The following GALNT10 variants were observed in gnomAD, a reference collection of about 807,000 sequenced individuals.
The protein encoded by GALNT10 is GalNAc transferase 10.
GALNT10 carries 41 observed loss-of-function variants against 75.0 expected under a neutral mutation model. The observed-to-expected ratio is 0.55, with a 90% CI of 0.43 to 0.71. The LOEUF is 0.71. Among genes scored for constraint, GALNT10 ranks in the 30% least tolerant of loss-of-function variants. The probability of loss-of-function intolerance (pLI) is 0.00; values close to 1 mark genes in which losing one functional copy is unlikely to be tolerated. For synonymous variants in GALNT10, 302 were observed against 313.0 expected (o/e 0.96, Z 0.37); for missense variants, 727 against 818.5 (o/e 0.89, Z 1.36).
intron 7 of GALNT10, chr5:154,393,033 C>T (rs967316543): frequency 1.4e-4 from 11 of 75,902 alleles, no homozygotes; most frequent in African/African-American, 2.2e-4. Flanking sequence ...GAAAATATTA[C>T]GTAAAATAAA....
intron 1 of GALNT10, among the ~76,000 whole-genome samples, chr5:154,191,550 T>G (rs1774861218): frequency 6.6e-6 from 1 of 151,458 alleles, no homozygotes; most frequent in Admixed American, 6.6e-5. Flanking sequence ...CCTCTCCCCA[T>G]TTATTCAACA....
rs143763981 is a variant in GALNT10, at chr5:154,319,268, A to T, written c.402-10304A>T. On this transcript the variant is annotated intron_variant, in intron 3 of 11. Transcript: ENST00000297107. Reference sequence around the variant, plus strand: ...TGCCATGTTGTAAAAACAAATGCACATGTGCAGAGGAGAACACAGAGAGGA... The same window carrying T: ...TGCCATGTTGTAAAAACAAATGCACTTGTGCAGAGGAGAACACAGAGAGGA... Among the ~76,000 whole-genome samples, 292 of 152,340 alleles carry T rather than the reference A, an allele frequency of 1.9e-3. 1 individual carries two copies. Among genetic ancestry groups the T allele is most frequent in the African/African-American group, 6.6e-3 (274 of 41,586 alleles).
intron 1 of GALNT10, among the ~76,000 whole-genome samples, chr5:154,256,651 G>A (rs1057156173): frequency 1.3e-5 from 2 of 152,100 alleles, no homozygotes; most frequent in African/African-American, 4.8e-5. Flanking sequence ...GGCTTGTGAT[G>A]AAGATATAGT....
rs568218308 is a variant in GALNT10, at chr5:154,411,504, G to A, written c.1387-1385G>A. ...GACACTACGGCTGGCCACAGGGCGC[G>A]TGAGGAGCAGTAGCCCCATGGAAAG... On this transcript the variant is annotated intron_variant, in intron 9 of 11. Coordinates refer to ENST00000297107, the MANE Select transcript of GALNT10 (RefSeq NM_198321.4). 2.6e-5 allele frequency among the ~76,000 whole-genome samples: 4 copies of A among 152,360 alleles called. 1 individual carries two copies. Among genetic ancestry groups the A allele is most frequent in the Middle Eastern group, 6.8e-3 (2 of 294 alleles).
chr5:154,325,899 T>G (rs1040829991), intron 3 of GALNT10, among the ~76,000 whole-genome samples: 5 of 152,070 alleles, frequency 3.3e-5, no homozygotes, highest in Non-Finnish European at 1.5e-5. Context: ...ACATAAAAAG[T>G]CATCTATATT....
chr5:154,399,799 C>T (rs1279549642), intron 7 of GALNT10, among the ~76,000 whole-genome samples: 3 of 152,168 alleles, frequency 2.0e-5, no homozygotes, highest in Non-Finnish European at 2.9e-5. Flanking sequence ...CCAACACTGG[C>T]CCTGAGTCTG....
At chr5:154,320,745 G>A (rs1305488364) in intron 3 of GALNT10, among the ~76,000 whole-genome samples, 1 of 152,194 alleles carries the variant, frequency 6.6e-6, no homozygotes, top group Non-Finnish European at 1.5e-5. Flanking sequence ...GCTGTGTGGG[G>A]ACTGGATAAA....
At chr5:154,240,860 G>A (rs1753325212) in intron 1 of GALNT10, among the ~76,000 whole-genome samples, 1 of 152,178 alleles carries the variant, frequency 6.6e-6, no homozygotes. Flanking sequence ...CTTCCTGGCT[G>A]TGTGACCTGG....
chr5:154,284,447 T>C (rs1754084829), intron 1 of GALNT10, among the ~76,000 whole-genome samples: 1 of 145,518 alleles, frequency 6.9e-6, no homozygotes, highest in Non-Finnish European at 1.6e-5. Context: ...GCTAGGAGAT[T>C]AATAGGATGT....
intron 4 of GALNT10, among the ~76,000 whole-genome samples, chr5:154,340,078 A>T (rs575103518): frequency 6.6e-6 from 1 of 152,358 alleles, no homozygotes; most frequent in African/African-American, 2.4e-5. Context: ...ATTACCTTTC[A>T]TAGGAAAAGC....
intron 3 of GALNT10, 74 bp from the exon 4 acceptor site, chr5:154,329,498 A>C: frequency 1.7e-4 from 208 of 1,260,298 alleles, no homozygotes; most frequent in Non-Finnish European, 2.2e-4. Context: ...CAGTTAGCCA[A>C]ACCCTGTGCC....
chr5:154,225,327 C>T (rs1389502463), intron 1 of GALNT10, among the ~76,000 whole-genome samples: 5 of 149,294 alleles, frequency 3.3e-5, no homozygotes, highest in South Asian at 2.1e-4. Flanking sequence ...CTCCTGACCT[C>T]GTGATCCGCC....
At chr5:154,327,059 A>T (rs1754766136) in intron 3 of GALNT10, among the ~76,000 whole-genome samples, 1 of 152,080 alleles carries the variant, frequency 6.6e-6, no homozygotes, top group Non-Finnish European at 1.5e-5. Context: ...CTACAAAAAA[A>T]TTCAAAAATT....
At chr5:154,386,723 A>C in intron 7 of GALNT10, 1 of 552,898 alleles carries the variant, frequency 1.8e-6, no homozygotes, top group South Asian at 2.5e-5. Flanking sequence ...TCTTGCTTCT[A>C]CTCAGATGGC....
chr5:154,293,625 C>CTTTTTTTTTT (rs1320287927), intron 1 of GALNT10, among the ~76,000 whole-genome samples: 3 of 128,062 alleles, frequency 2.3e-5, no homozygotes, highest in Non-Finnish European at 3.4e-5. Context: ...TTTTTTTTTC[C>CTTTTTTTTTT]TTTCAGCCAT....
At position 154,386,347 on chromosome 5, in the gene GALNT10, G is replaced by A; in HGVS notation, c.973G>A (p.Asp325Asn). 1 of 1,614,104 alleles carries A rather than the reference G, an allele frequency of 6.2e-7. No homozygotes were observed. Among genetic ancestry groups the A allele is most frequent in the Non-Finnish European group, 8.5e-7 (1 of 1,180,002 alleles). ...PVMAGGLFAV[D>N]RKWFWELGGY... The stretch of plus-strand genomic sequence containing the variant: ...GATGGCCGGTGGACTGTTCGCCGTG[G>A]ATCGGAAGTGGTTCTGGGAACTCGG... The change falls in exon 7 of 12, where the codon GAT becomes AAT. Residue 325 changes from aspartate (D) to asparagine (N), a missense_variant. Transcript: ENST00000297107.
intron 4 of GALNT10, among the ~76,000 whole-genome samples, chr5:154,346,885 A>G (rs1186623630): frequency 6.6e-6 from 1 of 152,018 alleles, no homozygotes; most frequent in Non-Finnish European, 1.5e-5. Context: ...TCAGAGTTTT[A>G]TAGATTAATT....
chr5:154,341,207 A>T (rs773709758), intron 4 of GALNT10, among the ~76,000 whole-genome samples: 2 of 152,158 alleles, frequency 1.3e-5, no homozygotes, highest in East Asian at 1.9e-4. Flanking sequence ...GCCTTTGGGG[A>T]TCCTCAATGT....
At position 154,373,810 on chromosome 5, in the gene GALNT10, A is replaced by G. The variant is rs536518635; in HGVS notation, c.569-2467A>G. Among the ~76,000 whole-genome samples, 3 of 152,296 alleles carry G rather than the reference A, an allele frequency of 2.0e-5. No homozygotes were observed. In the South Asian group the frequency reaches 6.2e-4, roughly 32 times the overall value. On this transcript the variant is annotated intron_variant, in intron 4 of 11. Coordinates refer to ENST00000297107, the MANE Select transcript of GALNT10 (RefSeq NM_198321.4). ...CCTAAATAATTGCTCTGACTTTACC[A>G]CAAGCTGTCAGAAGGCCTTAATTGG... is the stretch of plus-strand genomic sequence containing the variant.
Sources: gnomAD v4.1 joint callset for allele counts (sites outside exome capture counted in the v4.1 genomes callset) on GRCh38, gnomAD v4.1.1 for gene constraint, MANE v1.5 for transcripts, NCBI Gene and HGNC (gene_info 2026-07-23, HGNC 2026-07-21) for gene names.